Variants in CNTN4 observed in about 807,000 individuals in gnomAD.
CNTN4 encodes contactin-4.
In CNTN4, 77 loss-of-function variants were observed where a neutral mutation model predicts 122.5. That is an observed-to-expected ratio of 0.63 (90% CI 0.52 to 0.76). The LOEUF (loss-of-function observed/expected upper bound fraction) is 0.76. Ranked by LOEUF, CNTN4 falls within the 30% of genes least tolerant of loss-of-function variation. The pLI, the probability that CNTN4 is intolerant of heterozygous loss-of-function variation, is 0.00. For synonymous variants in CNTN4, 512 were observed against 447.0 expected (o/e 1.15, Z -1.83); for missense variants, 1,256 against 1,259.1 (o/e 1.00, Z 0.04).
chr3:3,055,893 C>T (rs1701739223), intron 24 of CNTN4, among the ~76,000 whole-genome samples: 2 of 152,150 alleles, frequency 1.3e-5, no homozygotes, highest in African/African-American at 4.8e-5. Context: ...TAGATAGGAA[C>T]CTCCTTACTT....
chr3:2,947,088 C>T (rs2094686749), intron 13 of CNTN4, among the ~76,000 whole-genome samples: 1 of 152,148 alleles, frequency 6.6e-6, no homozygotes, highest in Non-Finnish European at 1.5e-5. Flanking sequence ...TTCAGTTAGC[C>T]ATACAATCCT....
intron 3 of CNTN4, among the ~76,000 whole-genome samples, chr3:2,571,098 C>A (rs1168892611): frequency 6.6e-6 from 1 of 152,000 alleles, no homozygotes; most frequent in Admixed American, 6.6e-5. Context: ...AGAACAGGAT[C>A]TGGACAAAGA....
intron 4 of CNTN4, among the ~76,000 whole-genome samples, chr3:2,586,320 C>G (rs914296153): frequency 1.3e-5 from 2 of 152,168 alleles, no homozygotes; most frequent in Non-Finnish European, 2.9e-5. Flanking sequence ...GAGACGGAGT[C>G]TTGCTCTTAT....
intron 2 of CNTN4, among the ~76,000 whole-genome samples, chr3:2,282,593 A>T (rs1438879172): frequency 6.6e-6 from 1 of 152,096 alleles, no homozygotes; most frequent in Non-Finnish European, 1.5e-5. Context: ...AAACTATTCC[A>T]CTGTCTTTTG....
chr3:2,887,306 C>A, intron 10 of CNTN4, 82 bp downstream of exon 10: 5 of 1,292,220 alleles, frequency 3.9e-6, no homozygotes, highest in East Asian at 2.4e-5. Context: ...GGCATTCAGG[C>A]ATTTTGGGAG....
At position 2,731,165 on chromosome 3, in the gene CNTN4, T is replaced by A. The variant is rs184983085; in HGVS notation, c.56-5050T>A. ...CTTTCAGTAATCCAAAAATTTCAGA[T>A]TAGCCCAGAGACACTATGTTTTACT... On this transcript the variant is annotated intron_variant, in intron 4 of 24. Transcript: ENST00000418658. 2.8e-4 allele frequency among the ~76,000 whole-genome samples: 43 copies of A among 152,274 alleles called. No homozygotes were observed. In the East Asian group the frequency reaches 7.7e-3, roughly 27 times the overall value.
chr3:2,926,051 C>T (rs1040149974), intron 13 of CNTN4, among the ~76,000 whole-genome samples: 7 of 152,228 alleles, frequency 4.6e-5, no homozygotes, highest in African/African-American at 7.2e-5. Flanking sequence ...CAGTTAGAAA[C>T]ATCCTCCTTA....
chr3:2,161,891 C>A lies in CNTN4; in HGVS notation c.-145+61252C>A, dbSNP rs183109605. 1.3e-3 allele frequency among the ~76,000 whole-genome samples: 192 copies of A among 152,240 alleles called. 1 individual carries two copies. The highest frequency in any genetic ancestry group is 4.5e-3 in the African/African-American group (187 of 41,538). ...ATCAGATAAACTACTTAGGTCAACT[C>A]AATTAATCTCTTTTAAAAGAAGCCT... On this transcript the variant is annotated intron_variant, in intron 2 of 24. Transcript: ENST00000418658.
In CNTN4 at chr3:2,385,470, C is replaced by T. The variant is rs1021574729; in HGVS notation, c.-89+46237C>T. ...GCTTGTATTAGTTTCTTAGGACTGC[C>T]ACAGCAAAGTACCATACACAGGGTG... On this transcript the variant is annotated intron_variant, in intron 3 of 24. Transcript: ENST00000418658. This position sits in a 1 kb window ranked among gnomAD's most constrained non-coding sequence, Gnocchi z 4.0. 3.3e-5 allele frequency among the ~76,000 whole-genome samples: 5 copies of T among 152,136 alleles called. No homozygotes were observed. The highest frequency in any genetic ancestry group is 1.9e-4 in the East Asian group (1 of 5,152).
rs1230673586 is a variant in CNTN4, at chr3:2,098,885, T to G, written c.-320T>G. ...CCCGGGGTTCGACGCCAGGATTGGC[T>G]GCAAGTAGGGAGCTTTCGCCGCCGC... On this transcript the variant is annotated 5_prime_UTR_variant, in exon 1 of 25. Coordinates refer to ENST00000418658, the MANE Select transcript of CNTN4 (RefSeq NM_175607.3). 2 of 152,134 alleles carry G rather than the reference T, an allele frequency of 1.3e-5. No individual in the cohort carries two copies. The highest frequency in any genetic ancestry group is 1.5e-5 in the Non-Finnish European group (1 of 68,030). 9.4% of individuals were successfully genotyped at this position (152,134 alleles called of 1,614,324 possible).
chr3:2,904,470 C>T (rs1045458752), intron 12 of CNTN4, among the ~76,000 whole-genome samples: 40 of 152,216 alleles, frequency 2.6e-4, no homozygotes, highest in African/African-American at 9.2e-4. Context: ...TCAAAGATAA[C>T]GATTGTGAGA....
Position 2,848,333 on chromosome 3 carries a change from G to C in CNTN4, c.455-18419G>C, listed in dbSNP as rs1169354852. Among the ~76,000 whole-genome samples the C allele has an allele frequency of 5.3e-5, 8 of 152,344 alleles. No homozygotes were observed. In the East Asian group the frequency reaches 1.5e-3, roughly 29 times the overall value. On this transcript the variant is annotated intron_variant, in intron 7 of 24. Coordinates refer to ENST00000418658, the MANE Select transcript of CNTN4 (RefSeq NM_175607.3). ...AAATCTGGGGAAGAATTAAAGCAGA[G>C]ATTCCAGGGATATGTTAGGGCAGAG... is the stretch of plus-strand genomic sequence containing the variant.
chr3:3,025,187 T>A (rs185623385), intron 14 of CNTN4, among the ~76,000 whole-genome samples: 16 of 152,298 alleles, frequency 1.1e-4, no homozygotes, highest in African/African-American at 3.6e-4. Context: ...ATAAACTGTC[T>A]CAGCTAAGCA....
chr3:3,024,879 A>T (rs542939930), intron 14 of CNTN4, among the ~76,000 whole-genome samples: 13 of 152,316 alleles, frequency 8.5e-5, no homozygotes, highest in African/African-American at 3.1e-4. Context: ...ATAAATATTT[A>T]TGTACCTCAC....
intron 4 of CNTN4, among the ~76,000 whole-genome samples, chr3:2,596,024 C>A (rs1020865875): frequency 6.6e-6 from 1 of 152,156 alleles, no homozygotes; most frequent in African/African-American, 2.4e-5. Flanking sequence ...TGACATCATT[C>A]TCAAAGTCTA....
chr3:2,521,672 G>A (rs892278274), intron 3 of CNTN4, among the ~76,000 whole-genome samples: 1 of 152,036 alleles, frequency 6.6e-6, no homozygotes, highest in Non-Finnish European at 1.5e-5. Context: ...AAGAAAATTG[G>A]TAGTAAAATA....
intron 4 of CNTN4, among the ~76,000 whole-genome samples, chr3:2,617,181 A>G (rs974213536): frequency 9.9e-5 from 15 of 152,196 alleles, no homozygotes; most frequent in African/African-American, 3.6e-4. Flanking sequence ...CAGCAAAATA[A>G]ACTATCATCA....
At chr3:2,734,996 C>G (rs2149483593) in intron 4 of CNTN4, among the ~76,000 whole-genome samples, 1 of 152,206 alleles carries the variant, frequency 6.6e-6, no homozygotes, top group African/African-American at 2.4e-5. Context: ...AAAAATACTT[C>G]AAAGTAAAGC....
In CNTN4 at chr3:2,355,622, G is replaced by C. The variant is rs184974471; in HGVS notation, c.-89+16389G>C. Among the ~76,000 whole-genome samples, 36 of 152,072 alleles carry C rather than the reference G, an allele frequency of 2.4e-4. 1 individual carries two copies. Among genetic ancestry groups the C allele is most frequent in the African/African-American group, 8.7e-4 (36 of 41,474 alleles). On this transcript the variant is annotated intron_variant, in intron 3 of 24. Coordinates refer to ENST00000418658, the MANE Select transcript of CNTN4 (RefSeq NM_175607.3). ...CCTGCGCCCTCCTCCAACCCCTGAAGGTATTTTCTTTCATCTTTGCAGTTT... is the reference window on the plus strand; with the variant it reads ...CCTGCGCCCTCCTCCAACCCCTGAACGTATTTTCTTTCATCTTTGCAGTTT...
Sources: allele counts gnomAD v4.1 joint callset (sites outside exome capture counted in the v4.1 genomes callset), GRCh38; gene constraint gnomAD v4.1.1; non-coding constraint Gnocchi (gnomAD v3.1); transcripts MANE v1.5; gene names NCBI Gene and HGNC (gene_info 2026-07-23, HGNC 2026-07-21).